The following PTPRG variants were observed in gnomAD, a reference collection of about 807,000 sequenced individuals.
The protein encoded by PTPRG is protein tyrosine phosphatase receptor type G.
A neutral mutation model predicts 165.3 loss-of-function variants in PTPRG; 102 were observed. That is an observed-to-expected ratio of 0.62 (90% CI 0.53 to 0.73). The LOEUF (loss-of-function observed/expected upper bound fraction) is 0.73, where lower values mean the gene tolerates loss of function less well. Ranked by LOEUF, PTPRG falls within the 30% of genes least tolerant of loss-of-function variation. The pLI is 0.00. For missense variants in PTPRG, 1,866 were observed against 1,861.4 expected (o/e 1.00, Z -0.05); for synonymous variants, 675 against 669.5 (o/e 1.01, Z -0.13).
At chr3:61,792,822 G>A (rs1296343189) in intron 2 of PTPRG, among the ~76,000 whole-genome samples, 4 of 151,702 alleles carry the variant, frequency 2.6e-5, no homozygotes, top group Admixed American at 2.6e-4. Flanking sequence ...TCCGCCTCCT[G>A]GGTTCAAGCG....
rs1559582995 is a variant in PTPRG, at chr3:61,738,257, TTTATATATATATATATATATAC to T, written c.86-10620_86-10599del. Among the ~76,000 whole-genome samples, 26 of 2,648 alleles carry T rather than the reference TTTATATATATATATATATATAC, an allele frequency of 9.8e-3. 4 individuals carry two copies. The highest frequency in any genetic ancestry group is 0.03 in the African/African-American group (25 of 826). 1.7% of individuals were successfully genotyped at this position (2,648 alleles called of 152,430 possible). On this transcript the variant is annotated intron_variant, in intron 1 of 29. Transcript: ENST00000474889. ...TTTAAATAGGGCTTCTTTGTCCATTTTTATATATATATATATATATACATATATATATATATATATATATATA... is the reference window on the plus strand; with the variant it reads ...TTTAAATAGGGCTTCTTTGTCCATTTATATATATATATATATATATATATA...
At chr3:62,164,547 G>A (rs758598031) in intron 7 of PTPRG, among the ~76,000 whole-genome samples, 12 of 152,112 alleles carry the variant, frequency 7.9e-5, no homozygotes, top group Admixed American at 2.0e-4. Context: ...ACTGTCAAGC[G>A]CAACTGTGAT....
intron 2 of PTPRG, among the ~76,000 whole-genome samples, chr3:61,957,709 G>C (rs996606573): frequency 2.6e-5 from 4 of 152,188 alleles, no homozygotes; most frequent in Non-Finnish European, 5.9e-5. Flanking sequence ...GGAGTGACTG[G>C]TCAAAAGGAT....
intron 4 of PTPRG, among the ~76,000 whole-genome samples, chr3:62,060,933 T>G (rs1252609253): frequency 6.6e-6 from 1 of 152,238 alleles, no homozygotes; most frequent in East Asian, 1.9e-4. Context: ...TCAACATAGT[T>G]CTTTTTAATA....
intron 14 of PTPRG, among the ~76,000 whole-genome samples, chr3:62,241,341 A>G (rs1701155348): frequency 6.6e-6 from 1 of 152,122 alleles, no homozygotes; most frequent in African/African-American, 2.4e-5. Context: ...ATTCCCCACA[A>G]AGTTCTGTAG....
At chr3:62,142,765 T>C (rs1433953760) in intron 6 of PTPRG, among the ~76,000 whole-genome samples, 1 of 152,138 alleles carries the variant, frequency 6.6e-6, no homozygotes, top group South Asian at 2.1e-4. Context: ...TTGTAGAGAT[T>C]AGAAACAGGA....
Position 61,795,639 on chromosome 3 carries a change from C to CAAA in PTPRG, c.190+46683_190+46685dup, listed in dbSNP as rs145136197. Among the ~76,000 whole-genome samples, 69 of 59,456 alleles carry CAAA rather than the reference C, an allele frequency of 1.2e-3. 3 individuals carry two copies. The highest frequency in any genetic ancestry group is 4.2e-3 in the African/African-American group (62 of 14,846). 39.0% of individuals were successfully genotyped at this position (59,456 alleles called of 152,430 possible). A position where few individuals can be genotyped will look rare whatever the true frequency, so the allele number is the denominator to read the frequency against. On this transcript the variant is annotated intron_variant, in intron 2 of 29. Coordinates refer to ENST00000474889, the MANE Select transcript of PTPRG (RefSeq NM_002841.4). ...TGGGTGACAGAGCAAGACTCCGTCT[C>CAAA]AAAAAAAAAAAAAAAAAAAAAAAAA...
chr3:61,894,760 A>T (rs1293172216), intron 2 of PTPRG, among the ~76,000 whole-genome samples: 1 of 152,226 alleles, frequency 6.6e-6, no homozygotes, highest in East Asian at 1.9e-4. Context: ...ATCAGATTTG[A>T]GAAGATCAAG....
chr3:61,991,234 C>G (rs920616545), intron 3 of PTPRG, among the ~76,000 whole-genome samples: 1 of 152,198 alleles, frequency 6.6e-6, no homozygotes. Flanking sequence ...GAGACGGAGT[C>G]TCACTCTGTT....
At chr3:61,577,647 T>G (rs1391063440) in intron 1 of PTPRG, among the ~76,000 whole-genome samples, 1 of 152,230 alleles carries the variant, frequency 6.6e-6, no homozygotes, top group Non-Finnish European at 1.5e-5. Flanking sequence ...CATAAAATTT[T>G]AAATTACACA....
intron 2 of PTPRG, among the ~76,000 whole-genome samples, chr3:61,939,983 T>A (rs569928178): frequency 7.7e-6 from 1 of 130,376 alleles, no homozygotes; most frequent in East Asian, 2.6e-4. Context: ...CTTGCTCTGT[T>A]GCCCAGGCTG....
chr3:62,041,163 A>G (rs756520575), intron 4 of PTPRG, among the ~76,000 whole-genome samples: 16 of 152,192 alleles, frequency 1.1e-4, no homozygotes, highest in Non-Finnish European at 1.9e-4. Context: ...GGCACTTACA[A>G]TATATTCAGT....
intron 1 of PTPRG, among the ~76,000 whole-genome samples, chr3:61,605,638 A>G (rs996846716): frequency 6.6e-6 from 1 of 151,966 alleles, no homozygotes; most frequent in Non-Finnish European, 1.5e-5. Context: ...CTGTGATCAT[A>G]GCTTACTGCT....
intron 2 of PTPRG, among the ~76,000 whole-genome samples, chr3:61,971,769 T>C (rs548460221): frequency 1.3e-5 from 2 of 152,394 alleles, no homozygotes; most frequent in East Asian, 1.9e-4. Flanking sequence ...CTAAGAGTCA[T>C]TGAATTGTAC....
intron 7 of PTPRG, among the ~76,000 whole-genome samples, chr3:62,161,809 G>C (rs1232700206): frequency 6.6e-6 from 1 of 152,146 alleles, no homozygotes; most frequent in African/African-American, 2.4e-5. Flanking sequence ...AGGCTACTGG[G>C]AATTTAATAT....
intron 4 of PTPRG, among the ~76,000 whole-genome samples, chr3:62,030,415 T>C (rs1699730565): frequency 6.7e-6 from 1 of 150,260 alleles, no homozygotes; most frequent in Non-Finnish European, 1.5e-5. Context: ...AATATGTACA[T>C]AAGACTAATT....
rs114178542 is a variant in PTPRG at position 61,593,011 on chromosome 3, A to C, written c.85+30639A>C. Among the ~76,000 whole-genome samples the C allele has an allele frequency of 3.2e-3, 493 of 152,196 alleles. 2 individuals are homozygous for C. The highest frequency in any genetic ancestry group is 0.011 in the African/African-American group (462 of 41,514). ...ATTCTAGGATATTCTATGTCTTACT[A>C]CTCAGGGTATCATGCTCTGGTCAGC... On this transcript the variant is annotated intron_variant, in intron 1 of 29. Transcript: ENST00000474889.
At chr3:61,835,843 T>C (rs567249314) in intron 2 of PTPRG, among the ~76,000 whole-genome samples, 3 of 151,602 alleles carry the variant, frequency 2.0e-5, no homozygotes, top group African/African-American at 7.2e-5. Flanking sequence ...GAGTTCGAGA[T>C]CAGCCTGGGC....
In PTPRG at chr3:62,211,249, C is replaced by G. The variant is rs1288493464; in HGVS notation, c.2155+7299C>G. Among the ~76,000 whole-genome samples, 7 of 152,218 alleles carry G rather than the reference C, an allele frequency of 4.6e-5. 1 individual carries two copies. Among genetic ancestry groups the G allele is most frequent in the Middle Eastern group, 6.8e-3 (2 of 294 alleles). ...AGGACATTATGCTAAGTGCAATGAG[C>G]CAGTCACAAAAAGACAAGTAATACA... On this transcript the variant is annotated intron_variant, in intron 12 of 29. Transcript: ENST00000474889.
Sources: gnomAD v4.1 joint callset for allele counts (sites outside exome capture counted in the v4.1 genomes callset) on GRCh38, gnomAD v4.1.1 for gene constraint, MANE v1.5 for transcripts, NCBI Gene and HGNC (gene_info 2026-07-23, HGNC 2026-07-21) for gene names.